The following KIF16B variants were observed in gnomAD, a reference collection of about 807,000 sequenced individuals.
The protein encoded by KIF16B is kinesin family member 16B, also known as kinesin-like protein KIF16B.
KIF16B carries 98 observed loss-of-function variants against 156.3 expected under a neutral mutation model. The ratio of observed to expected loss-of-function variants is 0.63; its 90% CI spans 0.53 to 0.74. KIF16B has a LOEUF of 0.74. Ranked by LOEUF, KIF16B falls within the 30% of genes least tolerant of loss-of-function variation. The pLI is 0.00. For missense variants in KIF16B, 1,421 were observed against 1,606.5 expected (o/e 0.88, Z 1.97); for synonymous variants, 564 against 583.7 (o/e 0.97, Z 0.49).
chr20:16,369,056 C>A (rs911277698), intron 22 of KIF16B: 7 of 985,812 alleles, frequency 7.1e-6, no homozygotes, highest in East Asian at 2.3e-4. Context: ...TGGAATACCT[C>A]GGGTACTGAG....
At chr20:16,297,349 G>C (rs2063402956) in intron 25 of KIF16B, among the ~76,000 whole-genome samples, 1 of 152,206 alleles carries the variant, frequency 6.6e-6, no homozygotes, top group Admixed American at 6.5e-5. Context: ...ATGTGTGGAA[G>C]TGTAAAACTC....
chr20:16,551,048 G>T (rs955686864), intron 1 of KIF16B, among the ~76,000 whole-genome samples: 1 of 151,866 alleles, frequency 6.6e-6, no homozygotes, highest in East Asian at 1.9e-4. Flanking sequence ...ACCCAGCTAG[G>T]AGCACATTAG....
intron 1 of KIF16B, among the ~76,000 whole-genome samples, chr20:16,569,743 T>C (rs952157536): frequency 2.0e-5 from 3 of 152,228 alleles, no homozygotes; most frequent in Non-Finnish European, 2.9e-5. Flanking sequence ...CAACTGAAAC[T>C]TCTCCAGTGC....
At chr20:16,294,190 A>T (rs1324624341) in intron 25 of KIF16B, among the ~76,000 whole-genome samples, 1 of 152,192 alleles carries the variant, frequency 6.6e-6, no homozygotes, top group African/African-American at 2.4e-5. Flanking sequence ...TTGCATATAC[A>T]CACAAAACAG....
chr20:16,528,309 A>T, intron 2 of KIF16B, 62 bp downstream of exon 2: 1 of 1,250,858 alleles, frequency 8.0e-7, no homozygotes. Flanking sequence ...CTCATTAGTC[A>T]TCCCCACAGT....
chr20:16,377,412 A>AAAATAAATAAATAAATAAATAAAT (rs377190523), intron 19 of KIF16B, among the ~76,000 whole-genome samples: 111 of 151,350 alleles, frequency 7.3e-4, no homozygotes, highest in African/African-American at 2.7e-3. Flanking sequence ...TAAAATACAT[A>AAAATAAATAAATAAATAAATAAAT]AAATAAATAA....
intron 1 of KIF16B, among the ~76,000 whole-genome samples, chr20:16,543,880 T>C (rs555435814): frequency 6.6e-6 from 1 of 152,006 alleles, no homozygotes; most frequent in African/African-American, 2.4e-5. Flanking sequence ...CACTACAGAG[T>C]CAGCATTGTA....
intron 1 of KIF16B, among the ~76,000 whole-genome samples, chr20:16,535,451 T>C (rs958921061): frequency 6.6e-6 from 1 of 152,190 alleles, no homozygotes; most frequent in African/African-American, 2.4e-5. Flanking sequence ...ACAATTTGAC[T>C]TCCTCTTTTC....
At chr20:16,405,835 T>C (rs1248821838) in intron 16 of KIF16B, among the ~76,000 whole-genome samples, 1 of 152,138 alleles carries the variant, frequency 6.6e-6, no homozygotes, top group Non-Finnish European at 1.5e-5. Flanking sequence ...AGCCACGATG[T>C]CCCTGAACAG....
intron 23 of KIF16B, among the ~76,000 whole-genome samples, chr20:16,341,143 G>A (rs538498291): frequency 7.4e-4 from 112 of 152,230 alleles, no homozygotes; most frequent in African/African-American, 2.4e-3. Flanking sequence ...CCTTTTCTAT[G>A]TACAGTTAAA....
intron 7 of KIF16B, 132 bp downstream of exon 7, chr20:16,507,826 A>G: frequency 3.3e-6 from 3 of 919,990 alleles, no homozygotes; most frequent in Non-Finnish European, 5.0e-6. Flanking sequence ...AACTCTAATT[A>G]ACAAGAAAAT....
At chr20:16,563,099 C>A (rs760044658) in intron 1 of KIF16B, among the ~76,000 whole-genome samples, 23 of 152,218 alleles carry the variant, frequency 1.5e-4, no homozygotes, top group Non-Finnish European at 3.2e-4. Context: ...AATGACTGAT[C>A]ACAGAAACAG....
At chr20:16,369,787 C>T (rs537041966) in intron 22 of KIF16B, among the ~76,000 whole-genome samples, 3 of 152,284 alleles carry the variant, frequency 2.0e-5, no homozygotes, top group Admixed American at 1.3e-4. Context: ...CAGTAATTAT[C>T]ATTACTCTTA....
intron 12 of KIF16B, among the ~76,000 whole-genome samples, chr20:16,482,051 G>A (rs1343640488): frequency 1.3e-5 from 2 of 152,018 alleles, no homozygotes; most frequent in Non-Finnish European, 2.9e-5. Flanking sequence ...GAATAACAAA[G>A]GTGACATGTA....
At chr20:16,333,236 C>T (rs76742595) in intron 24 of KIF16B, among the ~76,000 whole-genome samples, 1,976 of 152,244 alleles carry the variant, frequency 0.013, 33 homozygotes, top group African/African-American at 0.045. Flanking sequence ...CAGATTTTCA[C>T]GGCTGGCTCT....
chr20:16,334,428 G>A (rs1237995555), intron 24 of KIF16B, among the ~76,000 whole-genome samples: 1 of 152,182 alleles, frequency 6.6e-6, no homozygotes, highest in Non-Finnish European at 1.5e-5. Context: ...ACTTGATTTT[G>A]ATGTTATTAC....
At chr20:16,351,344 T>C (rs923565889) in intron 23 of KIF16B, among the ~76,000 whole-genome samples, 3 of 152,138 alleles carry the variant, frequency 2.0e-5, no homozygotes, top group Non-Finnish European at 4.4e-5. Context: ...CAGGCCCGTG[T>C]TTTGTGCTAT....
intron 25 of KIF16B, among the ~76,000 whole-genome samples, chr20:16,298,488 C>G (rs10211821): frequency 6.6e-6 from 1 of 152,114 alleles, no homozygotes; most frequent in Non-Finnish European, 1.5e-5. Flanking sequence ...TCTAGGTTTT[C>G]TAGTTTATTT....
chr20:16,347,574 A>T (rs544531688), intron 23 of KIF16B, among the ~76,000 whole-genome samples: 30 of 152,086 alleles, frequency 2.0e-4, no homozygotes, highest in Non-Finnish European at 4.0e-4. Context: ...AGAAAAAAAA[A>T]TTTTTTTTCA....
Sources: allele counts gnomAD v4.1 joint callset (sites outside exome capture counted in the v4.1 genomes callset), GRCh38; gene constraint gnomAD v4.1.1; transcripts MANE v1.5; gene names NCBI Gene and HGNC (gene_info 2026-07-23, HGNC 2026-07-21).